BSN: variants seen among roughly 807,000 people sequenced by gnomAD.
BSN encodes bassoon presynaptic cytomatrix protein.
A neutral mutation model predicts 264.8 loss-of-function variants in BSN; 57 were observed. The ratio of observed to expected loss-of-function variants is 0.22; its 90% CI spans 0.17 to 0.27. The LOEUF is 0.27. Ranked by LOEUF, BSN falls within the 10% of genes least tolerant of loss-of-function variation. The pLI is 1.00. For missense variants in BSN, 4,615 were observed against 5,232.5 expected (o/e 0.88, Z 3.64); for synonymous variants, 2,059 against 2,137.3 (o/e 0.96, Z 1.01).
At chr3:49,586,326 CTCTATCTATCTATCTA>C (rs59036596) in intron 1 of BSN, among the ~76,000 whole-genome samples, 3 of 149,614 alleles carry the variant, frequency 2.0e-5, no homozygotes, top group Middle Eastern at 3.4e-3. Context: ...GTTTTCCCAG[CTCTATCTATCTATCTA>C]TCTATCTATC....
At position 49,657,124 on chromosome 3, in the gene BSN, G is replaced by A. The variant is rs540139945; in HGVS notation, c.7568G>A (p.Arg2523His). The change falls in exon 5 of 12, where the codon CGT (arginine) becomes CAT (histidine). Residue 2523 changes from arginine to histidine, a missense_variant. Arg to His is a conservative substitution (Grantham distance 29). Coordinates refer to ENST00000296452, the MANE Select transcript of BSN (RefSeq NM_003458.4). ...MAGPEGLGQP[R>H]EPVLHRGLPS... is the part of the protein sequence containing the mutation. ...GGGCCTGAAGGACTTGGGCAGCCTCGTGAGCCTGTGCTGCACCGGGGTCTC... is the reference window on the plus strand; with the variant it reads ...GGGCCTGAAGGACTTGGGCAGCCTCATGAGCCTGTGCTGCACCGGGGTCTC... 19 of 1,612,740 alleles carry A rather than the reference G, an allele frequency of 1.2e-5. No homozygotes were observed. In the African/African-American group the frequency reaches 1.3e-4, roughly 11 times the overall value.
At chr3:49,597,356 C>T (rs1331870387) in intron 1 of BSN, among the ~76,000 whole-genome samples, 2 of 152,038 alleles carry the variant, frequency 1.3e-5, no homozygotes, top group African/African-American at 2.4e-5. Flanking sequence ...CTTGCTCTGT[C>T]ACCTGGGCTA....
chr3:49,588,479 T>A (rs905336816), intron 1 of BSN, among the ~76,000 whole-genome samples: 6 of 152,314 alleles, frequency 3.9e-5, no homozygotes, highest in Admixed American at 2.6e-4. Flanking sequence ...GGGTTTTTTT[T>A]AAAATCATGA....
intron 1 of BSN, among the ~76,000 whole-genome samples, chr3:49,620,843 A>G (rs1388967852): frequency 1.3e-5 from 2 of 152,094 alleles, no homozygotes; most frequent in African/African-American, 4.8e-5. Flanking sequence ...AAAATTAGCG[A>G]AGCATGCTGG....
At chr3:49,582,926 C>T (rs1391673405) in intron 1 of BSN, among the ~76,000 whole-genome samples, 2 of 150,718 alleles carry the variant, frequency 1.3e-5, no homozygotes, top group Non-Finnish European at 2.9e-5. Flanking sequence ...CCTTCATTCC[C>T]TTCATTCTAT....
Position 49,657,543 on chromosome 3 carries a change from A to G in BSN, c.7987A>G (p.Ser2663Gly), listed in dbSNP as rs199857127. 6.2e-7 allele frequency: 1 copy of G among 1,613,218 alleles called. No homozygotes were observed. ...SAAATVRAMS[S>G]VGIQTISDCS... ...TGCTGCCACTGTGAGGGCCATGAGC[A>G]GCGTGGGCATCCAGACCATCAGTGA... Residue 2663 changes from serine to glycine, a missense_variant, in exon 5 of 12, where the codon AGC (serine) becomes GGC (glycine). Physicochemically the swap from Ser to Gly is moderately conservative, Grantham distance 56. This residue lies in a region of BSN where 3,415 missense variants were observed against 3,866.4 expected (regional missense o/e 0.88). Transcript: ENST00000296452.
chr3:49,608,687 G>A (rs917802734), intron 1 of BSN, among the ~76,000 whole-genome samples: 23 of 152,252 alleles, frequency 1.5e-4, no homozygotes, highest in African/African-American at 5.5e-4. Flanking sequence ...AACTAGCTGG[G>A]CATGGTGGCA....
chr3:49,605,755 TA>T (rs1246208176), intron 1 of BSN, among the ~76,000 whole-genome samples: 22 of 77,976 alleles, frequency 2.8e-4, no homozygotes, highest in African/African-American at 9.8e-4. Flanking sequence ...ATATAATATA[TA>T]AATATATATA....
intron 1 of BSN, among the ~76,000 whole-genome samples, chr3:49,556,813 A>G (rs2051676156): frequency 6.6e-6 from 1 of 152,210 alleles, no homozygotes; most frequent in Non-Finnish European, 1.5e-5. Flanking sequence ...ATTGATGGGG[A>G]AAAAGCCCTG....
rs550739471 is a variant in BSN, at chr3:49,580,474, G to A, written c.224+25648G>A. On this transcript the variant is annotated intron_variant, in intron 1 of 11. Coordinates refer to ENST00000296452, the MANE Select transcript of BSN (RefSeq NM_003458.4). ...TTTTTTAGGATCTTGCTCTGTCACC[G>A]AGGCTGGAGTGCAGTGGTGCGATCA... Among the ~76,000 whole-genome samples the A allele has an allele frequency of 1.8e-4, 27 of 151,728 alleles. 1 individual carries two copies. The South Asian group carries it at 5.2e-3, about 29-fold the overall frequency.
At position 49,662,952 on chromosome 3, in the gene BSN, C is replaced by T. The variant is rs765536549; in HGVS notation, c.10794C>T (p.His3598=). The change falls in exon 7 of 12, where the codon CAC becomes CAT. Residue 3598 remains histidine, a synonymous_variant. Coordinates refer to ENST00000296452, the MANE Select transcript of BSN (RefSeq NM_003458.4). ...RDARSDRFRH[H]GGHAVSSSSQ... is the part of the protein sequence containing the mutation. Reference sequence around the variant, plus strand: ...CCCGCTCTGACCGGTTCAGGCACCACGGGGGCCATGCAGTTTCCTCCTCCT... The same window carrying T: ...CCCGCTCTGACCGGTTCAGGCACCATGGGGGCCATGCAGTTTCCTCCTCCT... 14 of 1,613,926 alleles carry T rather than the reference C, an allele frequency of 8.7e-6. No individual in the cohort carries two copies. The highest frequency in any genetic ancestry group is 6.7e-5 in the Admixed American group (4 of 59,988).
At chr3:49,636,817 A>G (rs550006645) in intron 2 of BSN, among the ~76,000 whole-genome samples, 66 of 152,364 alleles carry the variant, frequency 4.3e-4, no homozygotes, top group African/African-American at 1.5e-3. Context: ...TAGATGGGGC[A>G]GGCAACATGT....
At chr3:49,596,963 A>G (rs1246450919) in intron 1 of BSN, among the ~76,000 whole-genome samples, 1 of 152,220 alleles carries the variant, frequency 6.6e-6, no homozygotes, top group African/African-American at 2.4e-5. Flanking sequence ...TGGATTTTCA[A>G]AAGTTAAACC....
chr3:49,673,087 C>CTTTTTTTGTTTTTT (rs2052847961), downstream of BSN, among the ~76,000 whole-genome samples: 1 of 43,198 alleles, frequency 2.3e-5, no homozygotes, highest in Non-Finnish European at 4.3e-5. Context: ...CCGGCCGGGA[C>CTTTTTTTGTTTTTT]TTTTTTTTTT....
rs369339131 is a variant in BSN at position 49,655,775 on chromosome 3, C to T, written c.6219C>T (p.Tyr2073=). ...CGAACATCTACTCAGACCACAGGTA[C>T]GGCCCACGGGGAGATGCAGTTGGCT... The part of the protein sequence containing the change: ...SVSNIYSDHR[Y]GPRGDAVGFQ... Residue 2073 remains tyrosine, a synonymous_variant, in exon 5 of 12, where the codon TAC becomes TAT. Coordinates refer to ENST00000296452, the MANE Select transcript of BSN (RefSeq NM_003458.4). The T allele has an allele frequency of 1.4e-5, 23 of 1,613,360 alleles. No homozygotes were observed. The highest frequency in any genetic ancestry group is 1.0e-4 in the Admixed American group (6 of 60,012).
chr3:49,663,287 G>C lies in BSN; in HGVS notation c.11129G>C (p.Arg3710Pro). The C allele has an allele frequency of 6.2e-7, 1 of 1,614,110 alleles. No individual in the cohort carries two copies. The highest frequency in any genetic ancestry group is 1.1e-5 in the South Asian group (1 of 91,088). The change falls in exon 7 of 12, where the codon CGT (arginine) becomes CCT (proline). Residue 3710 changes from arginine (R) to proline (P), a missense_variant. Transcript: ENST00000296452. Reference sequence around the variant, plus strand: ...TCTGCTGAGTACTCACAGCCATCCCGTGCTTCATCCGCATACCATCATGCC... The same window carrying C: ...TCTGCTGAGTACTCACAGCCATCCCCTGCTTCATCCGCATACCATCATGCC... Reference protein sequence around the residue: ...PSSAEYSQPSRASSAYHHASD... With the variant: ...PSSAEYSQPSPASSAYHHASD...
chr3:49,661,552 ACAT>A lies in BSN; in HGVS notation c.9710_9712del (p.Ile3237del). Reference sequence around the variant, plus strand: ...CCTCGAAACTACGTAATGATTGATGACATCAGTGAACTGACCAAGGACAGCACC... The same window carrying A: ...CCTCGAAACTACGTAATGATTGATGACAGTGAACTGACCAAGGACAGCACC... On this transcript the variant is annotated inframe_deletion, in exon 6 of 12. Transcript: ENST00000296452. The A allele has an allele frequency of 6.2e-7, 1 of 1,614,078 alleles. No individual in the cohort carries two copies. Among genetic ancestry groups the A allele is most frequent in the South Asian group, 1.1e-5 (1 of 91,088 alleles).
intron 1 of BSN, among the ~76,000 whole-genome samples, chr3:49,582,459 C>A (rs2051901779): frequency 6.6e-6 from 1 of 152,186 alleles, no homozygotes; most frequent in Non-Finnish European, 1.5e-5. Context: ...ACAGGCCCAG[C>A]TGAAATGAAC....
At chr3:49,556,876 C>T (rs578108931) in intron 1 of BSN, among the ~76,000 whole-genome samples, 1 of 152,304 alleles carries the variant, frequency 6.6e-6, no homozygotes, top group Non-Finnish European at 1.5e-5. Context: ...GACATATTTG[C>T]TTTCAGTAAG....
Sources: allele counts gnomAD v4.1 joint callset (sites outside exome capture counted in the v4.1 genomes callset), GRCh38; gene constraint gnomAD v4.1.1; regional missense constraint gnomAD v4.1.1; transcripts MANE v1.5; gene names NCBI Gene and HGNC (gene_info 2026-07-23, HGNC 2026-07-21).